DLD: variants seen among roughly 807,000 people sequenced by gnomAD.
The protein encoded by DLD is dihydrolipoyl dehydrogenase, mitochondrial.
In DLD, 36 loss-of-function variants were observed where a neutral mutation model predicts 62.2. That is an observed-to-expected ratio of 0.58 (90% CI 0.44 to 0.76). The LOEUF is 0.76. DLD is among the 30% of genes least tolerant of loss of function. DLD has a pLI of 0.00. For synonymous variants in DLD, 204 were observed against 199.6 expected (o/e 1.02, Z -0.19); for missense variants, 541 against 608.6 (o/e 0.89, Z 1.17).
At chr7:107,900,164 A>G (rs1441549827) in intron 2 of DLD, among the ~76,000 whole-genome samples, 1 of 152,020 alleles carries the variant, frequency 6.6e-6, no homozygotes, top group Non-Finnish European at 1.5e-5. Context: ...AGAATCTAGT[A>G]TTTTCATTTA....
At position 107,917,387 on chromosome 7, in the gene DLD, T is replaced by C. The variant is rs1232556757; in HGVS notation, c.1161T>C (p.Asn387=). The C allele has an allele frequency of 6.2e-7, 1 of 1,614,064 alleles. No homozygotes were observed. The highest frequency in any genetic ancestry group is 8.5e-7 in the Non-Finnish European group (1 of 1,180,034). The part of the protein sequence containing the change: ...MAGGAVHIDY[N]CVPSVIYTHP... Reference sequence around the variant, plus strand: ...GTGGTGCTGTGCACATTGACTACAATTGTGTGCCATCAGTGATTTACACAC... The same window carrying C: ...GTGGTGCTGTGCACATTGACTACAACTGTGTGCCATCAGTGATTTACACAC... Residue 387 remains asparagine, a synonymous_variant, in exon 11 of 14, where the codon AAT becomes AAC. Coordinates refer to ENST00000205402, the MANE Select transcript of DLD (RefSeq NM_000108.5).
chr7:107,905,574 C>G (rs2031986680), intron 7 of DLD, 70 bp downstream of exon 7: 3 of 1,509,278 alleles, frequency 2.0e-6, no homozygotes, highest in Non-Finnish European at 2.8e-6. Context: ...GTTATTTATG[C>G]TATTTGTGAA....
At chr7:107,910,344 C>T (rs927211481) in intron 8 of DLD, among the ~76,000 whole-genome samples, 1 of 152,178 alleles carries the variant, frequency 6.6e-6, no homozygotes, top group Non-Finnish European at 1.5e-5. Context: ...TTCATCTCAG[C>T]AGTTTTGCTT....
Position 107,908,225 on chromosome 7 carries a change from A to G in DLD, c.684+1857A>G, listed in dbSNP as rs562385053. Among the ~76,000 whole-genome samples, 689 of 146,618 alleles carry G rather than the reference A, an allele frequency of 4.7e-3. 8 individuals are homozygous for G. Among genetic ancestry groups the G allele is most frequent in the African/African-American group, 0.016 (626 of 39,620 alleles). On this transcript the variant is annotated intron_variant, in intron 8 of 13. Transcript: ENST00000205402. ...GAGTGCAGTGGCGCGATCTCGGCTCACTGCAACTTCTGCCTCCCGGGTTCA... is the reference window on the plus strand; with the variant it reads ...GAGTGCAGTGGCGCGATCTCGGCTCGCTGCAACTTCTGCCTCCCGGGTTCA...
At chr7:107,901,578 A>G (rs2031875854) in intron 2 of DLD, among the ~76,000 whole-genome samples, 160 bp from the exon 3 acceptor site, 1 of 152,244 alleles carries the variant, frequency 6.6e-6, no homozygotes, top group South Asian at 2.1e-4. Flanking sequence ...ATCAAAGAGC[A>G]TCAAGTAGTA....
At chr7:107,903,127 G>A (rs985476945) in intron 4 of DLD, among the ~76,000 whole-genome samples, 4 of 152,054 alleles carry the variant, frequency 2.6e-5, no homozygotes, top group Non-Finnish European at 4.4e-5. Context: ...GGCCGGGCGC[G>A]GTGGCTCACG....
chr7:107,904,673 A>G (rs1032664901), intron 5 of DLD: 8 of 518,074 alleles, frequency 1.5e-5, no homozygotes, highest in Admixed American at 4.6e-5. Context: ...ACTTATAACC[A>G]TCGTAAAGTG....
chr7:107,896,949 C>CCT (rs988294373), intron 2 of DLD, among the ~76,000 whole-genome samples: 2 of 151,966 alleles, frequency 1.3e-5, no homozygotes, highest in Non-Finnish European at 2.9e-5. Flanking sequence ...GATTCTCCTG[C>CCT]CTCAGCCTCC....
rs2031738227 is a variant in DLD at position 107,896,846 on chromosome 7, T to C, written c.118+3568T>C. ...AATCTGGTTTTGTTTTTGTTTGTTT[T>C]TTTTTTTGAGACAAAGTCTCGCTCT... On this transcript the variant is annotated intron_variant, in intron 2 of 13. Coordinates refer to ENST00000205402, the MANE Select transcript of DLD (RefSeq NM_000108.5). Among the ~76,000 whole-genome samples, 4 of 151,636 alleles carry C rather than the reference T, an allele frequency of 2.6e-5. No homozygotes were observed. The South Asian group carries it at 8.3e-4, about 31-fold the overall frequency.
rs764322046 is a variant in DLD, at chr7:107,905,546, T to G, written c.582+42T>G. Reference sequence around the variant, plus strand: ...ATTTACAACCATTACAACTTTTCTTTAGAAATACGTTTTATAAGTTATTTA... The same window carrying G: ...ATTTACAACCATTACAACTTTTCTTGAGAAATACGTTTTATAAGTTATTTA... On this transcript the variant is annotated intron_variant, in intron 7 of 13. Coordinates refer to ENST00000205402, the MANE Select transcript of DLD (RefSeq NM_000108.5). 4.4e-6 allele frequency: 7 copies of G among 1,589,454 alleles called. No homozygotes were observed. The South Asian group carries it at 7.7e-5, about 18-fold the overall frequency.
At position 107,905,355 on chromosome 7, in the gene DLD, G is replaced by T. The variant is rs369208046; in HGVS notation, c.439-6G>T. 1.9e-6 allele frequency: 3 copies of T among 1,611,006 alleles called. No homozygotes were observed. Among genetic ancestry groups the T allele is most frequent in the South Asian group, 2.2e-5 (2 of 90,972 alleles). Reference sequence around the variant, plus strand: ...TTTGTGAATTTATAAAGATTATTTTGTAAAGGTTGTTCATGTCAATGGATA... The same window carrying T: ...TTTGTGAATTTATAAAGATTATTTTTTAAAGGTTGTTCATGTCAATGGATA... On this transcript the variant is annotated splice_region_variant and splice_polypyrimidine_tract_variant and intron_variant, in intron 6 of 13. Coordinates refer to ENST00000205402, the MANE Select transcript of DLD (RefSeq NM_000108.5).
intron 10 of DLD, 61 bp downstream of exon 10, chr7:107,917,025 G>C: frequency 6.5e-7 from 1 of 1,540,168 alleles, no homozygotes; most frequent in South Asian, 1.1e-5. Context: ...ACAGTATTTT[G>C]AAAAGTAAGA....
At position 107,920,279 on chromosome 7, in the gene DLD, A is replaced by C. The variant is rs558426158; in HGVS notation, c.*1020A>C. 62 of 152,484 alleles carry C rather than the reference A, an allele frequency of 4.1e-4. No homozygotes were observed. The highest frequency in any genetic ancestry group is 1.4e-3 in the African/African-American group (60 of 41,578). The allele number at this position is 152,484 out of a possible 1,614,324, so 9.4% of individuals were successfully genotyped here. ...TGGTGTTTAAAATGGCCATGTCCTG[A>C]GGAAACTTAAGTAACAAAGTACTAA... On this transcript the variant is annotated 3_prime_UTR_variant, in exon 14 of 14. Coordinates refer to ENST00000205402, the MANE Select transcript of DLD (RefSeq NM_000108.5).
intron 8 of DLD, among the ~76,000 whole-genome samples, chr7:107,909,005 T>C (rs1274089686): frequency 6.6e-6 from 1 of 152,350 alleles, no homozygotes; most frequent in African/African-American, 2.4e-5. Context: ...AGAAAACTTG[T>C]AATCTAAACA....
chr7:107,905,230 A>T, intron 6 of DLD, 131 bp from the exon 7 acceptor site: 2 of 1,085,410 alleles, frequency 1.8e-6, no homozygotes, highest in Non-Finnish European at 1.4e-6. Context: ...TTGCTGCACC[A>T]TGGTGTAGCA....
chr7:107,905,479 A>T lies in DLD; in HGVS notation c.557A>T (p.Glu186Val). The change falls in exon 7 of 14, where the codon GAA becomes GTA. Residue 186 changes from glutamate to valine, a missense_variant. Transcript: ENST00000205402. Reference protein sequence around the residue: ...TKNILIATGSEVTPFPGITID... With the variant: ...TKNILIATGSVVTPFPGITID... ...AACATTCTTATAGCCACGGGTTCAG[A>T]AGTTACTCCTTTTCCTGGAATCACG... is the stretch of plus-strand genomic sequence containing the variant. 1 of 1,613,834 alleles carries T rather than the reference A, an allele frequency of 6.2e-7. No homozygotes were observed. The highest frequency in any genetic ancestry group is 1.7e-5 in the Admixed American group (1 of 60,010).
At chr7:107,901,080 T>C (rs2031863227) in intron 2 of DLD, among the ~76,000 whole-genome samples, 1 of 152,128 alleles carries the variant, frequency 6.6e-6, no homozygotes, top group African/African-American at 2.4e-5. Context: ...GCCTATTATC[T>C]TAAGGTATGT....
In DLD at chr7:107,915,706, C is replaced by T. The variant is rs753507666; in HGVS notation, c.875+10C>T. The T allele has an allele frequency of 6.2e-7, 1 of 1,611,474 alleles. No individual in the cohort carries two copies. Among genetic ancestry groups the T allele is most frequent in the South Asian group, 1.1e-5 (1 of 90,932 alleles). Reference sequence around the variant, plus strand: ...GAAAAATTGATGTTTCGTAAGTATACATCATTTGTTTTTGATGTATCATCC... The same window carrying T: ...GAAAAATTGATGTTTCGTAAGTATATATCATTTGTTTTTGATGTATCATCC... On this transcript the variant is annotated intron_variant, in intron 9 of 13. Transcript: ENST00000205402.
intron 8 of DLD, among the ~76,000 whole-genome samples, chr7:107,907,791 C>A (rs1339239107): frequency 6.6e-6 from 1 of 152,228 alleles, no homozygotes; most frequent in African/African-American, 2.4e-5. Context: ...TGCTCCTTAT[C>A]TTGGTCCCAT....
Sources: gnomAD v4.1 joint callset for allele counts (sites outside exome capture counted in the v4.1 genomes callset) on GRCh38, gnomAD v4.1.1 for gene constraint, MANE v1.5 for transcripts, NCBI Gene and HGNC (gene_info 2026-07-23, HGNC 2026-07-21) for gene names.